HAT1: variants seen among roughly 807,000 people sequenced by gnomAD.
HAT1 encodes the protein histone acetyltransferase type B catalytic subunit.
HAT1 carries 20 observed loss-of-function variants against 56.6 expected under a neutral mutation model. That is an observed-to-expected ratio of 0.35 (90% confidence interval 0.25 to 0.51). HAT1 has a LOEUF of 0.51. Among genes scored for constraint, HAT1 ranks in the 20% least tolerant of loss-of-function variants. The pLI is 0.95. For missense variants in HAT1, 408 were observed against 504.3 expected, an observed-to-expected ratio of 0.81 and a Z score of 1.83; for synonymous variants, 146 against 165.5, an observed-to-expected ratio of 0.88 and a Z score of 0.91.
At chr2:171,951,577 ACCTG>A (rs1167423435) in intron 3 of HAT1, among the ~76,000 whole-genome samples, 1 of 137,242 alleles carries the variant, frequency 7.3e-6, no homozygotes, top group Non-Finnish European at 1.6e-5. Flanking sequence ...CCACCACCAC[ACCTG>A]CCTATTTTTT....
At chr2:171,977,044 C>T (rs1047911102) in intron 9 of HAT1, among the ~76,000 whole-genome samples, 8 of 152,190 alleles carry the variant, frequency 5.3e-5, no homozygotes, top group South Asian at 4.2e-4. Flanking sequence ...TGGTGGCATG[C>T]GCCTGTAGTC....
Position 171,946,728 on chromosome 2 carries a change from G to A in HAT1, c.133G>A (p.Glu45Lys). The change falls in exon 3 of 11, where the codon GAA becomes AAA. Residue 45 changes from glutamate to lysine, a missense_variant. Coordinates refer to ENST00000264108, the MANE Select transcript of HAT1 (RefSeq NM_003642.4). ...LKLVRFPEDLENDIRTFFPEY... is the reference protein window; with the variant it reads ...LKLVRFPEDLKNDIRTFFPEY... ...AACAGTTCGTTTTCCTGAAGATCTT[G>A]AAAATGACATTAGAACTTTCTTTCC... is the stretch of plus-strand genomic sequence containing the variant. The A allele has an allele frequency of 6.3e-7, 1 of 1,580,942 alleles. No individual in the cohort carries two copies. The highest frequency in any genetic ancestry group is 8.7e-7 in the Non-Finnish European group (1 of 1,155,646).
chr2:171,925,233 C>T lies in HAT1; in HGVS notation c.8-304C>T, dbSNP rs376360462. 8.8e-4 allele frequency among the ~76,000 whole-genome samples: 134 copies of T among 151,998 alleles called. 1 individual carries two copies. The highest frequency in any genetic ancestry group is 2.9e-3 in the African/African-American group (122 of 41,488). On this transcript the variant is annotated intron_variant, in intron 1 of 10. Transcript: ENST00000264108. The stretch of plus-strand genomic sequence containing the variant: ...GATTACAGGCGCCCGTCACCGTGCC[C>T]GGCTAATTTTTGTATTTTTAGTAGA...
Position 171,925,618 on chromosome 2 carries a change from A to G in HAT1, c.89A>G (p.Asn30Ser), listed in dbSNP as rs773106275. The G allele has an allele frequency of 1.3e-6, 2 of 1,525,732 alleles. No individual in the cohort carries two copies. Among genetic ancestry groups the G allele is most frequent in the Admixed American group, 1.7e-5 (1 of 59,894 alleles). The allele number at this position is 1,525,732 out of a possible 1,614,324, so 94.5% of individuals were successfully genotyped here. The change falls in exon 2 of 11, where the codon AAC becomes AGC. Residue 30 changes from asparagine (N) to serine (S), a missense_variant. Asn to Ser is a conservative substitution (Grantham distance 46). Coordinates refer to ENST00000264108, the MANE Select transcript of HAT1 (RefSeq NM_003642.4). ...KKLAEYKCNT[N>S]TAIELKLVRF... ...CTGGCAGAGTACAAATGTAACACCA[A>G]CACAGCAATTGAACTAAAATTAGGT...
At chr2:171,928,100 G>C (rs1349659873) in intron 2 of HAT1, among the ~76,000 whole-genome samples, 3 of 151,354 alleles carry the variant, frequency 2.0e-5, no homozygotes, top group African/African-American at 7.3e-5. Flanking sequence ...GGCCAGACTG[G>C]TCTCGAACTC....
chr2:171,952,244 C>A (rs756073371), intron 3 of HAT1, among the ~76,000 whole-genome samples: 4 of 152,142 alleles, frequency 2.6e-5, no homozygotes, highest in Non-Finnish European at 5.9e-5. Flanking sequence ...TACTTTCTGT[C>A]TCTATAGATT....
chr2:171,973,311 C>A (rs1325644180), intron 8 of HAT1, among the ~76,000 whole-genome samples: 2 of 151,538 alleles, frequency 1.3e-5, no homozygotes, highest in Admixed American at 1.3e-4. Context: ...AAGTGAAAGT[C>A]CTCCAATTTT....
chr2:171,938,061 TC>T (rs1686920114), intron 2 of HAT1, among the ~76,000 whole-genome samples: 2 of 147,780 alleles, frequency 1.4e-5, no homozygotes, highest in African/African-American at 2.6e-5. Context: ...TCTCTCTCTC[TC>T]TCTCTCTCTC....
At chr2:171,931,665 C>G (rs1306411371) in intron 2 of HAT1, among the ~76,000 whole-genome samples, 1 of 152,036 alleles carries the variant, frequency 6.6e-6, no homozygotes, top group African/African-American at 2.4e-5. Flanking sequence ...CAAAGCAAGA[C>G]TGTGTCTCGG....
chr2:171,944,298 G>A (rs1687103434), intron 2 of HAT1, among the ~76,000 whole-genome samples: 1 of 152,198 alleles, frequency 6.6e-6, no homozygotes, highest in African/African-American at 2.4e-5. Flanking sequence ...ATTTGGGAGA[G>A]TAAAGTCATT....
At chr2:171,939,358 ACTTTATCTGCC>A (rs1196233404) in intron 2 of HAT1, among the ~76,000 whole-genome samples, 5 of 152,298 alleles carry the variant, frequency 3.3e-5, no homozygotes, top group Non-Finnish European at 7.4e-5. Flanking sequence ...GAATGCAGCC[ACTTTATCTGCC>A]AACTTGAACA....
chr2:171,935,862 A>ATT (rs1226079231), intron 2 of HAT1, among the ~76,000 whole-genome samples: 2 of 152,198 alleles, frequency 1.3e-5, no homozygotes, highest in Non-Finnish European at 2.9e-5. Flanking sequence ...CCTGGGTGAC[A>ATT]GAGCCAGACC....
chr2:171,941,864 G>T (rs1463226297), intron 2 of HAT1, among the ~76,000 whole-genome samples: 1 of 152,104 alleles, frequency 6.6e-6, no homozygotes, highest in African/African-American at 2.4e-5. Flanking sequence ...TCCAGGCCCT[G>T]AGCTTCCATT....
rs1553486559 is a variant in HAT1 at position 171,977,555 on chromosome 2, A to AAT, written c.975+1247_975+1248insAT. On this transcript the variant is annotated intron_variant, in intron 9 of 10. Coordinates refer to ENST00000264108, the MANE Select transcript of HAT1 (RefSeq NM_003642.4). ...TATATATATATATATATATATATAT[A>AAT]TATTTTTTTTTTTTTTTTTTTTTTA... Among the ~76,000 whole-genome samples the AAT allele has an allele frequency of 1.6e-3, 18 of 11,216 alleles. 1 individual carries two copies. The highest frequency in any genetic ancestry group is 6.7e-3 in the African/African-American group (18 of 2,690). 7.4% of individuals were successfully genotyped at this position (11,216 alleles called of 152,430 possible). A position where few individuals can be genotyped will look rare whatever the true frequency, so the allele number is the denominator to read the frequency against.
At chr2:171,981,969 T>G (rs1353218141) in intron 10 of HAT1, among the ~76,000 whole-genome samples, 4 of 152,160 alleles carry the variant, frequency 2.6e-5, no homozygotes, top group Non-Finnish European at 5.9e-5. Context: ...AAGATTTTAC[T>G]AAAGTAAAAT....
intron 2 of HAT1, among the ~76,000 whole-genome samples, chr2:171,933,271 G>A (rs375130468): frequency 5.9e-5 from 9 of 152,146 alleles, no homozygotes; most frequent in African/African-American, 2.2e-4. Flanking sequence ...GTTGCTCAGG[G>A]TGGTCTCGAA....
chr2:171,922,610 G>T, intron 1 of HAT1, 103 bp downstream of exon 1: 2 of 1,030,496 alleles, frequency 1.9e-6, no homozygotes, highest in Non-Finnish European at 2.6e-6. Context: ...TCGGGCTGTA[G>T]CCTGGGTTCC....
intron 1 of HAT1, chr2:171,923,686 T>C (rs1005051371): frequency 6.6e-6 from 1 of 152,238 alleles, no homozygotes; most frequent in Non-Finnish European, 1.5e-5. Flanking sequence ...GCTCTACAGA[T>C]GTTTAAAGAA....
At chr2:171,974,204 A>AAAAAAAAAAAAAAAAAAAAAT (rs1687903782) in intron 8 of HAT1, among the ~76,000 whole-genome samples, 2 of 73,928 alleles carry the variant, frequency 2.7e-5, no homozygotes, top group African/African-American at 8.3e-5. Flanking sequence ...AAAAAAAGAA[A>AAAAAAAAAAAAAAAAAAAAAT]AAGAAAAAAA....
Sources: allele counts gnomAD v4.1 joint callset (sites outside exome capture counted in the v4.1 genomes callset), GRCh38; gene constraint gnomAD v4.1.1; transcripts MANE v1.5; gene names NCBI Gene and HGNC (gene_info 2026-07-23, HGNC 2026-07-21).